VPS33A: variants seen among roughly 807,000 people sequenced by gnomAD.
VPS33A encodes VPS33A core subunit of CORVET and HOPS complexes.
In VPS33A, 32 loss-of-function variants were observed where a neutral mutation model predicts 71.8. The observed-to-expected ratio is 0.45, with a 90% CI of 0.34 to 0.60. The LOEUF is 0.60. Among genes scored for constraint, VPS33A ranks in the 20% least tolerant of loss-of-function variants. The pLI, the probability that VPS33A is intolerant of heterozygous loss-of-function variation, is 0.02. For missense variants in VPS33A, 625 were observed against 748.5 expected (o/e 0.84, Z 1.92); for synonymous variants, 311 against 292.7 (o/e 1.06, Z -0.64).
At position 122,266,479 on chromosome 12, in the gene VPS33A, A is replaced by C. The variant is rs1349411407; in HGVS notation, c.-71T>G. The C allele has an allele frequency of 6.4e-7, 1 of 1,561,556 alleles. No homozygotes were observed. Among genetic ancestry groups the C allele is most frequent in the East Asian group, 2.4e-5 (1 of 42,234 alleles). On this transcript the variant is annotated 5_prime_UTR_variant, in exon 1 of 13. Coordinates refer to ENST00000267199, the MANE Select transcript of VPS33A (RefSeq NM_022916.6). ...GTTCCTACGGGAGGACCACGGACGC[A>C]GTCACGTGACCAAACGTCCACGTGA...
At chr12:122,252,578 C>T (rs1203039795) in intron 4 of VPS33A, among the ~76,000 whole-genome samples, 1 of 151,236 alleles carries the variant, frequency 6.6e-6, no homozygotes, top group Non-Finnish European at 1.5e-5. Flanking sequence ...CCGACCCCAT[C>T]TCTTTAAAAA....
intron 8 of VPS33A, among the ~76,000 whole-genome samples, chr12:122,241,308 T>C (rs1954711157): frequency 6.6e-6 from 1 of 152,160 alleles, no homozygotes; most frequent in African/African-American, 2.4e-5. Flanking sequence ...TCTCTTTTTC[T>C]TTCTTTCGTT....
chr12:122,266,275 C>A, intron 1 of VPS33A, 32 bp downstream of exon 1: 2 of 1,602,870 alleles, frequency 1.2e-6, no homozygotes, highest in Admixed American at 3.3e-5. Flanking sequence ...CCAGGGGAGG[C>A]GAGGGCGGTG....
Position 122,254,026 on chromosome 12 carries a change from CA to C in VPS33A, c.484-2928del, listed in dbSNP as rs746400127. Among the ~76,000 whole-genome samples, 7 of 152,220 alleles carry C rather than the reference CA, an allele frequency of 4.6e-5. No individual in the cohort carries two copies. In the South Asian group the frequency reaches 8.3e-4, roughly 18 times the overall value. On this transcript the variant is annotated intron_variant, in intron 4 of 12. Transcript: ENST00000267199. Reference sequence around the variant, plus strand: ...GCGCATTTTTTTAACCCCAAAGTCTCACATACCCACACAGCAGAATACCTTG... The same window carrying C: ...GCGCATTTTTTTAACCCCAAAGTCTCCATACCCACACAGCAGAATACCTTG...
intron 8 of VPS33A, among the ~76,000 whole-genome samples, chr12:122,240,740 T>C (rs1030344918): frequency 9.9e-5 from 15 of 152,234 alleles, no homozygotes; most frequent in Non-Finnish European, 2.1e-4. Context: ...CTTTAATAGA[T>C]GTCTTCTGAG....
At chr12:122,246,866 T>C (rs1235762185) in intron 6 of VPS33A, among the ~76,000 whole-genome samples, 1 of 152,188 alleles carries the variant, frequency 6.6e-6, no homozygotes, top group Non-Finnish European at 1.5e-5. Context: ...CCTCCCACAG[T>C]GCTAGGATTA....
At chr12:122,265,439 G>A (rs1223741548) in intron 1 of VPS33A, among the ~76,000 whole-genome samples, 1 of 152,000 alleles carries the variant, frequency 6.6e-6, no homozygotes, top group African/African-American at 2.4e-5. Context: ...TTAACGTTTA[G>A]TTAAAAGAAA....
At chr12:122,236,564 CAGG>C (rs375311790) in intron 10 of VPS33A, among the ~76,000 whole-genome samples, 2 of 152,290 alleles carry the variant, frequency 1.3e-5, no homozygotes, top group African/African-American at 4.8e-5. Context: ...CGCTTGAACC[CAGG>C]AGGTTACAGT....
At chr12:122,249,039 T>C (rs1348693234) in intron 6 of VPS33A, 4 of 152,228 alleles carry the variant, frequency 2.6e-5, no homozygotes, top group Admixed American at 1.3e-4. Context: ...TTTGGAGGCA[T>C]GGTCTGATTA....
At chr12:122,265,980 T>G (rs888900852) in intron 1 of VPS33A, among the ~76,000 whole-genome samples, 1 of 152,156 alleles carries the variant, frequency 6.6e-6, no homozygotes, top group South Asian at 2.1e-4. Context: ...CCATCCACAT[T>G]CTTGGACCGC....
In VPS33A at chr12:122,248,060, C is replaced by CTGTATGTGTGTGTGTG. The variant is rs147581492; in HGVS notation, c.775+1810_775+1811insCACACACACACATACA. The CTGTATGTGTGTGTGTG allele has an allele frequency of 6.7e-5, 10 of 148,430 alleles. No individual in the cohort carries two copies. The South Asian group carries it at 1.5e-3, about 22-fold the overall frequency. 9.2% of individuals were successfully genotyped at this position (148,430 alleles called of 1,614,324 possible). On this transcript the variant is annotated intron_variant, in intron 6 of 12. Coordinates refer to ENST00000267199, the MANE Select transcript of VPS33A (RefSeq NM_022916.6). ...TACAGGCATGCGCCACCAAATCCAG[C>CTGTATGTGTGTGTGTG]TGTGTGTGTGTGTGTGTGTGTGTGT...
rs994909357 is a variant in VPS33A at position 122,232,011 on chromosome 12, C to T, written c.*235G>A. On this transcript the variant is annotated 3_prime_UTR_variant, in exon 13 of 13. Transcript: ENST00000267199. ...GGTGGAGGTTGCAGTGAGGTGAGAC[C>T]GTGCCACTGCACTCTAGTCTGGGTG... 5.6e-4 allele frequency: 249 copies of T among 443,952 alleles called. No homozygotes were observed. Among genetic ancestry groups the T allele is most frequent in the Non-Finnish European group, 9.0e-5 (23 of 256,086 alleles). The allele number at this position is 443,952 out of a possible 1,614,324, so 27.5% of individuals were successfully genotyped here. A position where few individuals can be genotyped will look rare whatever the true frequency, so the allele number is the denominator to read the frequency against.
intron 6 of VPS33A, among the ~76,000 whole-genome samples, chr12:122,246,705 T>TTC (rs1425508451): frequency 1.3e-5 from 2 of 152,054 alleles, no homozygotes; most frequent in Admixed American, 1.3e-4. Flanking sequence ...GTTCAAGCAA[T>TTC]TCTCCTGCCT....
chr12:122,250,107 T>C lies in VPS33A; in HGVS notation c.601-62A>G, dbSNP rs2277334. ...GGGAACAAGCAGATTTTAAAATTTGTCTAAAACCAGAAAGACAATCAAAAA... is the reference window on the plus strand; with the variant it reads ...GGGAACAAGCAGATTTTAAAATTTGCCTAAAACCAGAAAGACAATCAAAAA... On this transcript the variant is annotated intron_variant, in intron 5 of 12. Coordinates refer to ENST00000267199, the MANE Select transcript of VPS33A (RefSeq NM_022916.6). 1.3e-4 allele frequency: 188 copies of C among 1,480,966 alleles called. 1 individual carries two copies. In the East Asian group the frequency reaches 4.4e-3, roughly 35 times the overall value. The allele number at this position is 1,480,966 out of a possible 1,614,324, so 91.7% of individuals were successfully genotyped here. A position where few individuals can be genotyped will look rare whatever the true frequency, so the allele number is the denominator to read the frequency against.
chr12:122,249,988 T>C lies in VPS33A; in HGVS notation c.658A>G (p.Ile220Val), dbSNP rs568695865. The C allele has an allele frequency of 7.6e-5, 123 of 1,614,082 alleles. No homozygotes were observed. Among genetic ancestry groups the C allele is most frequent in the East Asian group, 1.8e-4 (8 of 44,872 alleles). ...AAGAGATTATCAAAAACAGGAAATATTGAATTCTGGCTTCCTGTAAACTCT... is the reference window on the plus strand; with the variant it reads ...AAGAGATTATCAAAAACAGGAAATACTGAATTCTGGCTTCCTGTAAACTCT... ...KREFTGSQNS[I>V]FPVFDNLLLL... The change falls in exon 6 of 13, where the codon ATA becomes GTA. Residue 220 changes from isoleucine (I) to valine (V), a missense_variant. Ile to Val is a conservative substitution (Grantham distance 29). Transcript: ENST00000267199.
At chr12:122,260,349 G>C (rs576287361) in intron 4 of VPS33A, among the ~76,000 whole-genome samples, 11 of 151,660 alleles carry the variant, frequency 7.3e-5, no homozygotes, top group Non-Finnish European at 1.6e-4. Flanking sequence ...GCCCAAGCTG[G>C]AGTGCAGTGG....
chr12:122,237,785 G>C (rs2136124950), intron 10 of VPS33A, among the ~76,000 whole-genome samples: 1 of 148,332 alleles, frequency 6.7e-6, no homozygotes, highest in South Asian at 2.1e-4. Context: ...ATAGATCCTA[G>C]CACATAGTAA....
chr12:122,234,830 C>T (rs1023123579), intron 11 of VPS33A, among the ~76,000 whole-genome samples: 14 of 152,186 alleles, frequency 9.2e-5, no homozygotes, highest in African/African-American at 3.4e-4. Context: ...ACCATACCCT[C>T]AGCCAGAGGC....
intron 1 of VPS33A, chr12:122,265,767 C>T: frequency 2.2e-6 from 1 of 448,404 alleles, no homozygotes; most frequent in Non-Finnish European, 4.5e-6. Context: ...AAAAGAAATC[C>T]TATAAAATCT....
Sources: allele counts gnomAD v4.1 joint callset (sites outside exome capture counted in the v4.1 genomes callset), GRCh38; gene constraint gnomAD v4.1.1; transcripts MANE v1.5; gene names NCBI Gene and HGNC (gene_info 2026-07-23, HGNC 2026-07-21).